The following ZBTB7C variants were observed in gnomAD, a reference collection of about 807,000 sequenced individuals.
ZBTB7C encodes the protein zinc finger and BTB domain-containing protein 7C.
In ZBTB7C, 8 loss-of-function variants were observed where a neutral mutation model predicts 25.7. The observed-to-expected ratio is 0.31, with a 90% CI of 0.18 to 0.56. The LOEUF (loss-of-function observed/expected upper bound fraction) is 0.56. Among genes scored for constraint, ZBTB7C ranks in the 20% least tolerant of loss-of-function variants. The pLI is 0.91. For synonymous variants in ZBTB7C, 394 were observed against 369.0 expected (o/e 1.07, Z -0.78); for missense variants, 824 against 855.2 (o/e 0.96, Z 0.46).
At chr18:48,361,690 A>C (rs898364431) in intron 1 of ZBTB7C, among the ~76,000 whole-genome samples, 1 of 152,204 alleles carries the variant, frequency 6.6e-6, no homozygotes, top group Non-Finnish European at 1.5e-5. Context: ...TTAAAGAAAT[A>C]TCAAGCCCAG....
At chr18:48,338,917 G>GGC (rs1555744019) in intron 1 of ZBTB7C, among the ~76,000 whole-genome samples, 9 of 151,040 alleles carry the variant, frequency 6.0e-5, no homozygotes, top group Non-Finnish European at 4.4e-5. Flanking sequence ...TTGTTGGGGG[G>GGC]GGGGGGTCCA....
chr18:48,041,616 A>G (rs2036244754), intron 3 of ZBTB7C: 1 of 936,040 alleles, frequency 1.1e-6, no homozygotes. Flanking sequence ...GGCTACTAGG[A>G]AGCTTAAAAC....
intron 2 of ZBTB7C, among the ~76,000 whole-genome samples, chr18:48,263,222 A>C (rs1409051956): frequency 6.6e-6 from 1 of 152,164 alleles, no homozygotes; most frequent in Non-Finnish European, 1.5e-5. Flanking sequence ...GCTCTTCAGG[A>C]CCATCCCCCA....
chr18:48,069,602 C>T (rs2037466207), intron 3 of ZBTB7C, among the ~76,000 whole-genome samples: 1 of 152,138 alleles, frequency 6.6e-6, no homozygotes, highest in African/African-American at 2.4e-5. Context: ...AGTCGGGCCC[C>T]TCTATCCTCT....
At chr18:48,314,560 A>G (rs1352267503) in intron 2 of ZBTB7C, among the ~76,000 whole-genome samples, 1 of 152,188 alleles carries the variant, frequency 6.6e-6, no homozygotes, top group Admixed American at 6.5e-5. Context: ...GGGTCACTGC[A>G]TATAGTGGCC....
intron 3 of ZBTB7C, among the ~76,000 whole-genome samples, chr18:48,092,802 A>C (rs572040864): frequency 6.6e-6 from 1 of 152,350 alleles, no homozygotes; most frequent in Non-Finnish European, 1.5e-5. Context: ...TAAGTTATTC[A>C]TGCAGCTTTG....
chr18:48,229,702 A>C (rs2043198797), intron 2 of ZBTB7C, among the ~76,000 whole-genome samples: 1 of 152,198 alleles, frequency 6.6e-6, no homozygotes, highest in Non-Finnish European at 1.5e-5. Context: ...CAAATTGAGG[A>C]ATAATCAGCT....
intron 1 of ZBTB7C, among the ~76,000 whole-genome samples, chr18:48,345,079 C>T (rs2046696131): frequency 6.6e-6 from 1 of 152,194 alleles, no homozygotes; most frequent in African/African-American, 2.4e-5. Context: ...TAAAGCAACC[C>T]AGATTCTGTT....
At chr18:48,322,727 A>G (rs1321134570) in intron 2 of ZBTB7C, among the ~76,000 whole-genome samples, 2 of 152,226 alleles carry the variant, frequency 1.3e-5, no homozygotes, top group South Asian at 2.1e-4. Flanking sequence ...GTCATTACAC[A>G]AAAAAGATAC....
chr18:48,375,936 T>G (rs2047509651), intron 1 of ZBTB7C, among the ~76,000 whole-genome samples: 1 of 152,224 alleles, frequency 6.6e-6, no homozygotes, highest in South Asian at 2.1e-4. Context: ...TCATTTACCC[T>G]CTGTGTTTTT....
intron 1 of ZBTB7C, among the ~76,000 whole-genome samples, chr18:48,384,598 T>C (rs544777017): frequency 6.6e-6 from 1 of 152,236 alleles, no homozygotes; most frequent in Admixed American, 6.5e-5. Flanking sequence ...CTACACAAAT[T>C]CGTAAACTTT....
rs940269416 is a variant in ZBTB7C at position 48,027,132 on chromosome 18, A to G, written c.*2128T>C. ...CAAAAAAAAAAAAAAATTGAAGCAA[A>G]ACAAAAACACAACCACCCCTCCCCC... On this transcript the variant is annotated 3_prime_UTR_variant, in exon 5 of 5. Transcript: ENST00000590800. 2.0e-5 allele frequency: 3 copies of G among 151,946 alleles called. No individual in the cohort carries two copies. Among genetic ancestry groups the G allele is most frequent in the Non-Finnish European group, 4.4e-5 (3 of 67,998 alleles). 9.4% of individuals were successfully genotyped at this position (151,946 alleles called of 1,614,324 possible).
At chr18:48,121,261 T>C (rs1291932081) in intron 3 of ZBTB7C, among the ~76,000 whole-genome samples, 1 of 152,186 alleles carries the variant, frequency 6.6e-6, no homozygotes, top group Non-Finnish European at 1.5e-5. Context: ...TATAAGCAAC[T>C]GTCAGACATC....
intron 2 of ZBTB7C, among the ~76,000 whole-genome samples, chr18:48,301,469 A>T (rs2045542560): frequency 1.3e-5 from 2 of 152,102 alleles, no homozygotes; most frequent in South Asian, 4.2e-4. Context: ...ACAGAGTGAG[A>T]CTCCATCTCA....
chr18:48,041,056 T>C lies in ZBTB7C; in HGVS notation c.52A>G (p.Ser18Gly). ...LIGIPFPNHS[S>G]EVLCSLNEQR... ...TCATTGAGGCTGCACAGGACCTCAC[T>C]GCTGTGGTTGGGGAAGGGAATGCCA... is the stretch of plus-strand genomic sequence containing the variant. Residue 18 changes from serine to glycine, a missense_variant, in exon 4 of 5, where the codon AGT becomes GGT. Transcript: ENST00000590800. 1 of 1,611,014 alleles carries C rather than the reference T, an allele frequency of 6.2e-7. No individual in the cohort carries two copies. The highest frequency in any genetic ancestry group is 1.1e-5 in the South Asian group (1 of 91,010).
At chr18:48,158,775 T>C (rs969761200) in intron 3 of ZBTB7C, among the ~76,000 whole-genome samples, 2 of 152,192 alleles carry the variant, frequency 1.3e-5, no homozygotes, top group African/African-American at 4.8e-5. Flanking sequence ...AAGTGAAGCG[T>C]GTCAGGCATG....
rs1313315251 is a variant in ZBTB7C at position 48,331,975 on chromosome 18, C to T, written c.-79+6199G>A. On this transcript the variant is annotated intron_variant, in intron 2 of 4. Coordinates refer to ENST00000590800, the MANE Select transcript of ZBTB7C (RefSeq NM_001318841.2). Reference sequence around the variant, plus strand: ...ATATTTTGAAGAAAATTCTAGATATCATATCATGTTGTCTGAATTTACTTC... The same window carrying T: ...ATATTTTGAAGAAAATTCTAGATATTATATCATGTTGTCTGAATTTACTTC... Among the ~76,000 whole-genome samples the T allele has an allele frequency of 2.0e-5, 3 of 152,086 alleles. No individual in the cohort carries two copies. In the East Asian group the frequency reaches 5.8e-4, roughly 29 times the overall value.
intron 3 of ZBTB7C, among the ~76,000 whole-genome samples, chr18:48,048,461 G>T (rs540624403): frequency 1.6e-4 from 25 of 152,294 alleles, no homozygotes; most frequent in African/African-American, 6.0e-4. Flanking sequence ...TGAGGTCCCC[G>T]CTCTCAGATA....
chr18:48,084,088 C>T (rs1316586491), intron 3 of ZBTB7C, among the ~76,000 whole-genome samples: 2 of 152,218 alleles, frequency 1.3e-5, no homozygotes, highest in Non-Finnish European at 2.9e-5. Context: ...TTCCATTACC[C>T]CTGGGTGGGT....
Sources: allele counts gnomAD v4.1 joint callset (sites outside exome capture counted in the v4.1 genomes callset), GRCh38; gene constraint gnomAD v4.1.1; transcripts MANE v1.5; gene names NCBI Gene and HGNC (gene_info 2026-07-23, HGNC 2026-07-21).